Variants in CHAF1A observed in about 807,000 individuals in gnomAD.
The protein encoded by CHAF1A is CAF-1 subunit A.
CHAF1A carries 5 observed loss-of-function variants against 93.2 expected under a neutral mutation model. The ratio of observed to expected loss-of-function variants is 0.05; its 90% CI spans 0.03 to 0.11. The LOEUF is 0.11. CHAF1A is among the 10% of genes least tolerant of loss of function. CHAF1A has a pLI of 1.00. For synonymous variants in CHAF1A, 504 were observed against 510.3 expected, an observed-to-expected ratio of 0.99 and a Z score of 0.17; for missense variants, 1,102 against 1,259.9, an observed-to-expected ratio of 0.87 and a Z score of 1.90.
rs545316537 is a variant in CHAF1A, at chr19:4,442,501, GC to G, written c.2770+161del. Among the ~76,000 whole-genome samples, 231 of 152,340 alleles carry G rather than the reference GC, an allele frequency of 1.5e-3. 2 individuals are homozygous for G. Among genetic ancestry groups the G allele is most frequent in the African/African-American group, 5.2e-3 (215 of 41,574 alleles). ...CCTGCCCTGCCACATCCTCGGGCGG[GC>G]TGGGCCGTGGGTGCTGACCATGCCA... On this transcript the variant is annotated intron_variant, in intron 14 of 14. Transcript: ENST00000301280.
downstream of CHAF1A, chr19:4,445,583 A>G (rs1320346028): frequency 6.2e-7 from 1 of 1,613,750 alleles, no homozygotes; most frequent in East Asian, 2.2e-5. Flanking sequence ...GTCCTCCAGC[A>G]CAGCCATGTC....
intron 13 of CHAF1A, among the ~76,000 whole-genome samples, chr19:4,441,721 C>A (rs538555701): frequency 2.6e-5 from 4 of 151,368 alleles, no homozygotes; most frequent in Non-Finnish European, 5.9e-5. Flanking sequence ...CCGGATAACA[C>A]GATGAAACCC....
intron 1 of CHAF1A, 36 bp downstream of exon 1, chr19:4,402,850 G>A (rs1973608782): frequency 1.7e-6 from 2 of 1,170,592 alleles, no homozygotes; most frequent in Middle Eastern, 3.4e-4. Flanking sequence ...AAGGGGGGGC[G>A]CGGCGCGCGG....
downstream of CHAF1A, chr19:4,446,220 CGGGTG>C: frequency 6.3e-7 from 1 of 1,585,000 alleles, no homozygotes. Flanking sequence ...GGAGTCAGAG[CGGGTG>C]GGGCCCAGGG....
chr19:4,449,147 G>A (rs1974602895), downstream of CHAF1A: 1 of 152,866 alleles, frequency 6.5e-6, no homozygotes, highest in South Asian at 2.1e-4. Context: ...GGAAAAGATT[G>A]GGGCACAAAT....
downstream of CHAF1A, among the ~76,000 whole-genome samples, chr19:4,443,587 G>A (rs147846799): frequency 1.8e-3 from 268 of 152,280 alleles, 2 homozygotes; most frequent in African/African-American, 6.0e-3. Flanking sequence ...TTTTCCGCAC[G>A]TGCTTCTGTC....
chr19:4,427,178 C>G (rs1974100747), intron 7 of CHAF1A, among the ~76,000 whole-genome samples: 1 of 67,814 alleles, frequency 1.5e-5, no homozygotes, highest in Non-Finnish European at 2.6e-5. Flanking sequence ...GAGAAGGAGT[C>G]TTGCTCTGTT....
At chr19:4,448,441 C>A, downstream of CHAF1A, 1 of 1,582,680 alleles carries the variant, frequency 6.3e-7, no homozygotes, top group Non-Finnish European at 8.6e-7. Flanking sequence ...CAGGGAAAGC[C>A]ACTCACTGAG....
rs778100682 is a variant in CHAF1A, at chr19:4,408,461, CTTTTTTTTTTT to C, written c.104-422_104-412del. 6.9e-3 allele frequency among the ~76,000 whole-genome samples: 249 copies of C among 36,016 alleles called. 8 individuals are homozygous for C. In the East Asian group the frequency reaches 0.11, roughly 16 times the overall value. 23.6% of individuals were successfully genotyped at this position (36,016 alleles called of 152,430 possible). ...CCTGCCTTGGCCTCCCGCACCCGGC[CTTTTTTTTTTT>C]TTTTTTTTTTTTTTTTTTTGAGAGG... On this transcript the variant is annotated intron_variant, in intron 2 of 14. Coordinates refer to ENST00000301280, the MANE Select transcript of CHAF1A (RefSeq NM_005483.3).
chr19:4,448,436 A>G, downstream of CHAF1A: 1 of 1,587,824 alleles, frequency 6.3e-7, no homozygotes, highest in African/African-American at 1.3e-5. Context: ...GGAAGCAGGG[A>G]AAGCCACTCA....
chr19:4,445,477 G>T, downstream of CHAF1A: 1 of 1,613,630 alleles, frequency 6.2e-7, no homozygotes, highest in Non-Finnish European at 8.5e-7. Flanking sequence ...CCACAGGGCT[G>T]AGGCCAACCC....
intron 8 of CHAF1A, 134 bp downstream of exon 8, chr19:4,429,024 C>G: frequency 1.5e-6 from 1 of 685,840 alleles, no homozygotes; most frequent in East Asian, 2.7e-5. Context: ...CCCTGGGCTT[C>G]GGTGCTGGCT....
At chr19:4,426,848 G>A (rs1974091685) in intron 7 of CHAF1A, among the ~76,000 whole-genome samples, 1 of 152,026 alleles carries the variant, frequency 6.6e-6, no homozygotes, top group African/African-American at 2.4e-5. Flanking sequence ...CTCAGCATTT[G>A]GGGAGGCCAA....
At chr19:4,448,487 CAG>C (rs60087438), downstream of CHAF1A, 3,878 of 1,269,262 alleles carry the variant, frequency 3.1e-3, 13 homozygotes, top group African/African-American at 0.01. Flanking sequence ...GCCCAGGTAA[CAG>C]GGGCAGGAAA....
At chr19:4,410,171 A>G (rs1973767511) in intron 3 of CHAF1A, among the ~76,000 whole-genome samples, 1 of 152,040 alleles carries the variant, frequency 6.6e-6, no homozygotes, top group South Asian at 2.1e-4. Flanking sequence ...AAAGACACTG[A>G]GCACTGAAGT....
At chr19:4,413,514 G>T (rs1599642052) in intron 3 of CHAF1A, among the ~76,000 whole-genome samples, 3 of 152,176 alleles carry the variant, frequency 2.0e-5, no homozygotes, top group African/African-American at 7.2e-5. Context: ...GGGCGAGCTG[G>T]TGGGAAGCTT....
intron 11 of CHAF1A, 108 bp downstream of exon 11, chr19:4,430,749 A>G: frequency 8.7e-7 from 1 of 1,154,578 alleles, no homozygotes. Context: ...CAACCATACG[A>G]GATTTGGACT....
chr19:4,448,518 C>T (rs1974588640), downstream of CHAF1A: 5 of 930,196 alleles, frequency 5.4e-6, no homozygotes, highest in Non-Finnish European at 8.4e-6. Flanking sequence ...AGAACAGCGG[C>T]TTGGAGCGGC....
chr19:4,430,102 C>T, intron 10 of CHAF1A: 3 of 395,926 alleles, frequency 7.6e-6, no homozygotes, highest in Non-Finnish European at 1.4e-5. Context: ...TGCCCAGCTG[C>T]TGTGACCTAG....
Sources: allele counts gnomAD v4.1 joint callset (sites outside exome capture counted in the v4.1 genomes callset), GRCh38; gene constraint gnomAD v4.1.1; transcripts MANE v1.5; gene names NCBI Gene and HGNC (gene_info 2026-07-23, HGNC 2026-07-21).